The following CUX1 variants were observed in gnomAD, a reference collection of about 807,000 sequenced individuals.
CUX1 encodes the protein protein CASP.
A neutral mutation model predicts 158.8 loss-of-function variants in CUX1; 31 were observed. The observed-to-expected ratio is 0.20, with a 90% CI of 0.15 to 0.26. The LOEUF (loss-of-function observed/expected upper bound fraction) is 0.26. CUX1 is among the 10% of genes least tolerant of loss of function. CUX1 has a pLI of 1.00. For missense variants in CUX1, 1,589 were observed against 2,014.6 expected (o/e 0.79, Z 4.04); for synonymous variants, 879 against 862.1 (o/e 1.02, Z -0.34).
chr7:101,936,882 G>A (rs747506660), intron 2 of CUX1, among the ~76,000 whole-genome samples: 19 of 152,340 alleles, frequency 1.2e-4, no homozygotes, highest in Admixed American at 5.9e-4. Context: ...CCGTGTCAGC[G>A]TTTTCCTAAC....
At chr7:101,834,995 C>CATAAATAAATAA (rs60371062) in intron 1 of CUX1, among the ~76,000 whole-genome samples, 12 of 148,938 alleles carry the variant, frequency 8.1e-5, no homozygotes, top group East Asian at 6.0e-4. Context: ...GACTCTGTGT[C>CATAAATAAATAA]ATAAATAAAT....
chr7:102,180,899 TTATTTTATTTTATTTTATTG>T (rs782631875), intron 11 of CUX1, among the ~76,000 whole-genome samples: 8,935 of 100,974 alleles, frequency 0.088, 363 homozygotes, highest in African/African-American at 0.2. Context: ...TTTTAAATTT[TTATTTTATTTTATTTTATTG>T]TATTTTATTT....
At position 102,234,206 on chromosome 7, in the gene CUX1, G is replaced by A; in HGVS notation, c.3588G>A (p.Glu1196=). ...QLWLNDPNNV[E]KLMDMKRMEK... ...GGCTGAACGACCCCAACAATGTGGA[G>A]AAGCTGATGGACATGAAACGGATGG... The change falls in exon 22 of 24, where the codon GAG becomes GAA. Residue 1196 remains glutamate (E), a synonymous_variant. Coordinates refer to ENST00000292535, the MANE Select transcript of CUX1 (RefSeq NM_181552.4). 1 of 1,581,628 alleles carries A rather than the reference G, an allele frequency of 6.3e-7. No homozygotes were observed. Among genetic ancestry groups the A allele is most frequent in the Non-Finnish European group, 8.6e-7 (1 of 1,165,902 alleles).
chr7:101,902,218 C>T (rs1273348014), intron 1 of CUX1, among the ~76,000 whole-genome samples: 2 of 152,196 alleles, frequency 1.3e-5, no homozygotes, highest in Non-Finnish European at 2.9e-5. Flanking sequence ...CAAATCCAGG[C>T]CCTACCTCTC....
At chr7:101,865,615 C>T (rs927036580) in intron 1 of CUX1, among the ~76,000 whole-genome samples, 8 of 152,222 alleles carry the variant, frequency 5.3e-5, no homozygotes, top group Non-Finnish European at 1.2e-4. Flanking sequence ...AGCCAGCGTC[C>T]GAGCGTTTCC....
At chr7:102,106,079 C>CTTTTTTTTT (rs782580660) in intron 6 of CUX1, among the ~76,000 whole-genome samples, 11 of 72,274 alleles carry the variant, frequency 1.5e-4, no homozygotes, top group East Asian at 8.1e-4. Context: ...TTTCTTTTTT[C>CTTTTTTTTT]TTTTTTTTTT....
downstream of CUX1, among the ~76,000 whole-genome samples, chr7:102,263,028 T>G (rs1470928688): frequency 8.0e-5 from 12 of 150,774 alleles, no homozygotes; most frequent in African/African-American, 2.7e-4. Context: ...TTTTTTTTTT[T>G]TTGGAGATGA....
At chr7:102,114,877 T>C (rs1158363085) in intron 7 of CUX1, among the ~76,000 whole-genome samples, 1 of 150,640 alleles carries the variant, frequency 6.6e-6, no homozygotes, top group Admixed American at 6.6e-5. Context: ...TGAGAAAACT[T>C]GTCTCTTAAA....
At chr7:102,093,436 C>G (rs1554482993) in intron 4 of CUX1, among the ~76,000 whole-genome samples, 1 of 152,142 alleles carries the variant, frequency 6.6e-6, no homozygotes, top group African/African-American at 2.4e-5. Context: ...ATGTTCCCTC[C>G]TCGGCCTCCC....
Position 102,239,342 on chromosome 7 carries a change from C to T in CUX1, c.3645C>T (p.Ser1215=), listed in dbSNP as rs782165603. Residue 1215 remains serine, a synonymous_variant, in exon 23 of 24, where the codon AGC becomes AGT. Transcript: ENST00000292535. ...CAGCCTACATGAAGCGGCGGCACAG[C>T]TCAGTCAGTGACAGCCAGCCCTGCG... ...EKKAYMKRRH[S]SVSDSQPCEP... 2.5e-6 allele frequency: 4 copies of T among 1,609,570 alleles called. No individual in the cohort carries two copies. The highest frequency in any genetic ancestry group is 1.7e-4 in the Middle Eastern group (1 of 6,044).
chr7:101,846,393 A>C (rs1040092248), intron 1 of CUX1, among the ~76,000 whole-genome samples: 5 of 151,472 alleles, frequency 3.3e-5, no homozygotes, highest in South Asian at 4.2e-4. Context: ...ATCCTAGCTC[A>C]CTGCAGCCTC....
chr7:102,087,065 T>A (rs1828024147), intron 4 of CUX1, among the ~76,000 whole-genome samples: 1 of 152,216 alleles, frequency 6.6e-6, no homozygotes, highest in African/African-American at 2.4e-5. Context: ...ACATCTTGCT[T>A]TTTTATCCAT....
intron 21 of CUX1, among the ~76,000 whole-genome samples, chr7:102,231,083 G>C (rs1364075328): frequency 6.9e-6 from 1 of 145,080 alleles, no homozygotes; most frequent in Non-Finnish European, 1.5e-5. Context: ...AGGGTGGAGT[G>C]CAGTGGCGCG....
intron 1 of CUX1, among the ~76,000 whole-genome samples, chr7:101,834,418 C>T (rs989789498): frequency 1.3e-5 from 2 of 152,082 alleles, no homozygotes; most frequent in Admixed American, 1.3e-4. Context: ...AGGTGATCTA[C>T]CTGCCTTGGC....
At chr7:101,945,217 A>G (rs1487939043) in intron 2 of CUX1, among the ~76,000 whole-genome samples, 1 of 152,250 alleles carries the variant, frequency 6.6e-6, no homozygotes, top group African/African-American at 2.4e-5. Context: ...GCCTGTGTGC[A>G]GCGGCTTCCA....
chr7:101,828,952 G>T (rs1793687647), intron 1 of CUX1, among the ~76,000 whole-genome samples: 1 of 151,704 alleles, frequency 6.6e-6, no homozygotes, highest in South Asian at 2.1e-4. Flanking sequence ...TTTGGGATAT[G>T]GAGGTTTTGG....
At position 102,256,696 on chromosome 7, in the gene CUX1, C is replaced by A. The variant is rs1332358346; in HGVS notation, c.*7654C>A. On this transcript the variant is annotated 3_prime_UTR_variant, in exon 24 of 24. Coordinates refer to ENST00000292535, the MANE Select transcript of CUX1 (RefSeq NM_181552.4). Reference sequence around the variant, plus strand: ...GAGCTTCAGAGGAATCTTAGCAAAGCCAAGTTCAGTTCCCCAAAGCCTCCT... The same window carrying A: ...GAGCTTCAGAGGAATCTTAGCAAAGACAAGTTCAGTTCCCCAAAGCCTCCT... 2.0e-6 allele frequency: 2 copies of A among 985,274 alleles called. No individual in the cohort carries two copies. Among genetic ancestry groups the A allele is most frequent in the Non-Finnish European group, 2.4e-6 (2 of 829,944 alleles). 61.0% of individuals were successfully genotyped at this position (985,274 alleles called of 1,614,324 possible). A position where few individuals can be genotyped will look rare whatever the true frequency, so the allele number is the denominator to read the frequency against.
At chr7:102,094,085 G>A (rs781789561) in intron 4 of CUX1, among the ~76,000 whole-genome samples, 7 of 152,296 alleles carry the variant, frequency 4.6e-5, no homozygotes, top group Non-Finnish European at 7.4e-5. Flanking sequence ...GTTTTGGCAC[G>A]CCAAAATTCA....
chr7:101,857,920 C>T (rs1189135656), intron 1 of CUX1, among the ~76,000 whole-genome samples: 1 of 152,086 alleles, frequency 6.6e-6, no homozygotes, highest in Non-Finnish European at 1.5e-5. Flanking sequence ...GTCAGGAGTT[C>T]AAGACCAGCC....
Sources: allele counts gnomAD v4.1 joint callset (sites outside exome capture counted in the v4.1 genomes callset), GRCh38; gene constraint gnomAD v4.1.1; transcripts MANE v1.5; gene names NCBI Gene and HGNC (gene_info 2026-07-23, HGNC 2026-07-21).